TANC2: variants seen among roughly 807,000 people sequenced by gnomAD.
TANC2 encodes tetratricopeptide repeat, ankyrin repeat and coiled-coil containing 2.
TANC2 carries 26 observed loss-of-function variants against 210.5 expected under a neutral mutation model. The observed-to-expected ratio is 0.12, with a 90% confidence interval of 0.09 to 0.17. TANC2 has a LOEUF of 0.17. TANC2 is among the 10% of genes least tolerant of loss of function. The probability of loss-of-function intolerance (pLI) is 1.00; values close to 1 mark genes in which losing one functional copy is unlikely to be tolerated. For synonymous variants in TANC2, 931 were observed against 967.1 expected (o/e 0.96, Z 0.69); for missense variants, 2,129 against 2,608.9 (o/e 0.82, Z 4.01).
intron 5 of TANC2, among the ~76,000 whole-genome samples, chr17:63,178,524 T>A (rs926092829): frequency 6.6e-6 from 1 of 152,234 alleles, no homozygotes; most frequent in African/African-American, 2.4e-5. Context: ...CTGCTTATTT[T>A]CTAACATTCC....
chr17:62,985,561 T>A lies in TANC2; in HGVS notation c.-24+18812T>A, dbSNP rs188988088. Among the ~76,000 whole-genome samples, 36 of 152,278 alleles carry A rather than the reference T, an allele frequency of 2.4e-4. No homozygotes were observed. The East Asian group carries it at 3.5e-3, about 15-fold the overall frequency. ...AATCCTATAGGCTTTCTTCATTTTT[T>A]AAAATTATTTATTGTCTTCTGTGTT... On this transcript the variant is annotated intron_variant, in intron 1 of 27. Transcript: ENST00000689528.
At chr17:63,415,438 G>T in intron 25 of TANC2, 90 bp from the exon 26 acceptor site, 1 of 1,521,438 alleles carries the variant, frequency 6.6e-7, no homozygotes, top group East Asian at 2.3e-5. Flanking sequence ...CTTAGTAACA[G>T]CTGCTGAGAA....
rs200605102 is a variant in TANC2, at chr17:63,323,594, G to A, written c.1575+4504G>A. Among the ~76,000 whole-genome samples the A allele has an allele frequency of 5.3e-5, 8 of 152,270 alleles. No individual in the cohort carries two copies. The East Asian group carries it at 1.4e-3, about 26-fold the overall frequency. ...CTGTGGTAATACACACAAAATTCAC[G>A]AGACAAGGAGAAGTTGGCCTCCCTT... On this transcript the variant is annotated intron_variant, in intron 11 of 27. Coordinates refer to ENST00000689528, the Ensembl canonical transcript of TANC2.
At chr17:63,003,419 C>A (rs768715550) in intron 1 of TANC2, among the ~76,000 whole-genome samples, 1 of 152,142 alleles carries the variant, frequency 6.6e-6, no homozygotes, top group South Asian at 2.1e-4. Flanking sequence ...ATCCTGTACA[C>A]GCTATATGCA....
At position 63,324,010 on chromosome 17, in the gene TANC2, T is replaced by C. The variant is rs1221687584; in HGVS notation, c.1575+4920T>C. Among the ~76,000 whole-genome samples the C allele has an allele frequency of 2.0e-5, 3 of 152,184 alleles. No homozygotes were observed. In the East Asian group the frequency reaches 5.8e-4, roughly 29 times the overall value. On this transcript the variant is annotated intron_variant, in intron 11 of 27. Coordinates refer to ENST00000689528, the Ensembl canonical transcript of TANC2. ...CTAGTGTGACAGGAAGGAATTTAGT[T>C]TAGTGTTATTTCGAAAAATCCATCC... is the stretch of plus-strand genomic sequence containing the variant.
intron 4 of TANC2, among the ~76,000 whole-genome samples, chr17:63,121,751 C>G (rs991388249): frequency 6.6e-5 from 10 of 152,058 alleles, no homozygotes; most frequent in African/African-American, 2.4e-4. Flanking sequence ...ATGTATTCCC[C>G]AGTTGAAGAC....
intron 4 of TANC2, among the ~76,000 whole-genome samples, chr17:63,144,348 A>G (rs1005708689): frequency 2.0e-5 from 3 of 152,158 alleles, no homozygotes; most frequent in African/African-American, 7.2e-5. Flanking sequence ...ATACTAATTG[A>G]TATTTGTATT....
At chr17:63,422,320 A>T (rs916143625) in exon 28 of TANC2, 1 of 187,294 alleles carries the variant, frequency 5.3e-6, no homozygotes, top group Non-Finnish European at 1.1e-5. Flanking sequence ...TTCCTTTTTT[A>T]AAAAATAAGG....
At chr17:63,385,408 A>T (rs984494283) in intron 15 of TANC2, among the ~76,000 whole-genome samples, 1 of 152,242 alleles carries the variant, frequency 6.6e-6, no homozygotes, top group South Asian at 2.1e-4. Flanking sequence ...TCTACAGTGC[A>T]GGTGTGCTCA....
chr17:63,404,546 C>T (rs530044579), intron 19 of TANC2, among the ~76,000 whole-genome samples: 1 of 152,194 alleles, frequency 6.6e-6, no homozygotes, highest in African/African-American at 2.4e-5. Context: ...CATTCAAATC[C>T]TTATATAAAA....
chr17:63,085,123 C>G (rs990345423), intron 3 of TANC2, among the ~76,000 whole-genome samples: 1 of 152,116 alleles, frequency 6.6e-6, no homozygotes, highest in Non-Finnish European at 1.5e-5. Context: ...CCGTGTAGTT[C>G]TATCCATTTT....
chr17:62,995,298 A>G (rs956832644), intron 1 of TANC2, among the ~76,000 whole-genome samples: 1 of 152,216 alleles, frequency 6.6e-6, no homozygotes, highest in African/African-American at 2.4e-5. Flanking sequence ...CGAACAAGGG[A>G]CATAGTAATT....
chr17:63,249,784 T>G (rs2043007366), intron 8 of TANC2, among the ~76,000 whole-genome samples: 1 of 152,190 alleles, frequency 6.6e-6, no homozygotes, highest in African/African-American at 2.4e-5. Context: ...GCAGAATGGC[T>G]TCTTGCCCAG....
At chr17:63,230,955 G>T (rs189050219) in intron 7 of TANC2, among the ~76,000 whole-genome samples, 5 of 152,092 alleles carry the variant, frequency 3.3e-5, no homozygotes, top group African/African-American at 9.7e-5. Context: ...CTCCTGTATT[G>T]GGTGCATATA....
At chr17:63,230,406 G>A (rs952879934) in intron 7 of TANC2, among the ~76,000 whole-genome samples, 3 of 151,126 alleles carry the variant, frequency 2.0e-5, no homozygotes, top group Non-Finnish European at 4.4e-5. Context: ...TCTAGCTTTC[G>A]ATGTGGGCAT....
At chr17:62,998,266 G>A (rs1330579818) in intron 1 of TANC2, among the ~76,000 whole-genome samples, 1 of 152,204 alleles carries the variant, frequency 6.6e-6, no homozygotes, top group Non-Finnish European at 1.5e-5. Flanking sequence ...ATATGGGGTT[G>A]TGTAAAGAGA....
intron 2 of TANC2, among the ~76,000 whole-genome samples, chr17:63,017,975 C>T (rs1219799150): frequency 6.6e-6 from 1 of 151,160 alleles, no homozygotes; most frequent in Non-Finnish European, 1.5e-5. Context: ...GAACTTGTCT[C>T]TAAAAAAAAG....
intron 5 of TANC2, among the ~76,000 whole-genome samples, chr17:63,191,663 A>G (rs1306256969): frequency 6.6e-6 from 1 of 151,842 alleles, no homozygotes; most frequent in Non-Finnish European, 1.5e-5. Context: ...GGGTTTCACC[A>G]CGTTGCCCAG....
chr17:63,364,971 G>A (rs2047067704), intron 14 of TANC2, among the ~76,000 whole-genome samples: 1 of 152,206 alleles, frequency 6.6e-6, no homozygotes, highest in African/African-American at 2.4e-5. Flanking sequence ...TGAGGTGGAA[G>A]TAGGGCAGGC....
Sources: allele counts gnomAD v4.1 joint callset (sites outside exome capture counted in the v4.1 genomes callset), GRCh38; gene constraint gnomAD v4.1.1; transcripts MANE v1.5; gene names NCBI Gene and HGNC (gene_info 2026-07-23, HGNC 2026-07-21).